The following ZNF423 variants were observed in gnomAD, a reference collection of about 807,000 sequenced individuals.
ZNF423 encodes the protein Ebf-associated zinc finger protein.
ZNF423 carries 12 observed loss-of-function variants against 95.8 expected under a neutral mutation model. That is an observed-to-expected ratio of 0.13 (90% CI 0.08 to 0.20). The LOEUF (loss-of-function observed/expected upper bound fraction) is 0.20. ZNF423 is among the 10% of genes least tolerant of loss of function. The probability of loss-of-function intolerance (pLI) is 1.00; values close to 1 mark genes in which losing one functional copy is unlikely to be tolerated. For synonymous variants in ZNF423, 749 were observed against 711.9 expected (o/e 1.05, Z -0.83); for missense variants, 1,316 against 1,737.1 (o/e 0.76, Z 4.31).
chr16:49,592,800 C>T (rs1971050977), intron 5 of ZNF423, among the ~76,000 whole-genome samples: 1 of 152,254 alleles, frequency 6.6e-6, no homozygotes. Flanking sequence ...CCTCGCCTCC[C>T]CTCCCCACAT....
At chr16:49,657,446 C>T (rs2029936745) in intron 3 of ZNF423, among the ~76,000 whole-genome samples, 1 of 152,314 alleles carries the variant, frequency 6.6e-6, no homozygotes, top group East Asian at 1.9e-4. Context: ...GGCCAGTGGC[C>T]CCCTGGGAAT....
At chr16:49,723,130 T>C (rs1389551164) in intron 3 of ZNF423, among the ~76,000 whole-genome samples, 1 of 152,018 alleles carries the variant, frequency 6.6e-6, no homozygotes, top group Non-Finnish European at 1.5e-5. Context: ...TAATTTTTTG[T>C]ATTTTCAGTA....
chr16:49,771,262 G>C (rs1461176518), intron 2 of ZNF423, among the ~76,000 whole-genome samples: 1 of 139,570 alleles, frequency 7.2e-6, no homozygotes, highest in Non-Finnish European at 1.5e-5. Context: ...GAGTGCAATG[G>C]TGTGATCTCA....
chr16:49,743,644 A>T (rs948393059), intron 2 of ZNF423, among the ~76,000 whole-genome samples: 3 of 151,728 alleles, frequency 2.0e-5, no homozygotes, highest in Non-Finnish European at 2.9e-5. Flanking sequence ...CTGCCCCGGG[A>T]CACAGGGGGC....
intron 5 of ZNF423, among the ~76,000 whole-genome samples, chr16:49,528,264 C>T (rs566143000): frequency 6.6e-6 from 1 of 152,212 alleles, no homozygotes; most frequent in South Asian, 2.1e-4. Flanking sequence ...TTCCGTTCTC[C>T]GAGTGCCGAG....
chr16:49,701,496 G>A lies in ZNF423; in HGVS notation c.301+29275C>T, dbSNP rs571523692. On this transcript the variant is annotated intron_variant, in intron 3 of 7. Coordinates refer to ENST00000563137, the MANE Select transcript of ZNF423 (RefSeq NM_001379286.1). ...AGGAGAGGGGAGGGGAGGGGAGCAA[G>A]TGGGCCAATATCTCAAACCGACCCC... Among the ~76,000 whole-genome samples the A allele has an allele frequency of 7.2e-5, 11 of 152,230 alleles. No individual in the cohort carries two copies. The East Asian group carries it at 1.9e-3, about 27-fold the overall frequency.
chr16:49,819,449 C>A (rs964450491), intron 1 of ZNF423, among the ~76,000 whole-genome samples: 1 of 151,618 alleles, frequency 6.6e-6, no homozygotes, highest in South Asian at 2.1e-4. Flanking sequence ...GGCTCATCCA[C>A]GAGTATCTTT....
At chr16:49,838,213 C>G (rs2035141438) in intron 1 of ZNF423, among the ~76,000 whole-genome samples, 1 of 152,216 alleles carries the variant, frequency 6.6e-6, no homozygotes, top group African/African-American at 2.4e-5. Context: ...AGGCCTCCAG[C>G]CCACCACGCA....
intron 1 of ZNF423, among the ~76,000 whole-genome samples, chr16:49,822,285 C>T (rs550127662): frequency 1.2e-4 from 18 of 151,904 alleles, no homozygotes; most frequent in African/African-American, 9.7e-5. Context: ...GTGATTCTCA[C>T]GCCTCAGCCT....
intron 3 of ZNF423, among the ~76,000 whole-genome samples, chr16:49,681,670 C>T (rs541302864): frequency 6.6e-6 from 1 of 152,228 alleles, no homozygotes. Context: ...GGCGTGCCCA[C>T]CCCCACAGCC....
intron 3 of ZNF423, among the ~76,000 whole-genome samples, chr16:49,654,996 TA>T: frequency 6.6e-6 from 1 of 152,250 alleles, no homozygotes; most frequent in East Asian, 1.9e-4. Context: ...TTAATTAATT[TA>T]ACCACAAAAG....
intron 1 of ZNF423, among the ~76,000 whole-genome samples, chr16:49,839,407 G>A (rs1468480123): frequency 6.6e-6 from 1 of 152,134 alleles, no homozygotes; most frequent in Non-Finnish European, 1.5e-5. Flanking sequence ...TCTGTCAGAT[G>A]GGGGTGGGAA....
At chr16:49,764,044 T>G (rs1344805532) in intron 2 of ZNF423, among the ~76,000 whole-genome samples, 7 of 152,204 alleles carry the variant, frequency 4.6e-5, no homozygotes, top group African/African-American at 1.7e-4. Context: ...GGGCTGTGTC[T>G]GTGAGTCACC....
chr16:49,542,631 G>C (rs951539017), intron 5 of ZNF423, among the ~76,000 whole-genome samples: 1 of 152,248 alleles, frequency 6.6e-6, no homozygotes, highest in African/African-American at 2.4e-5. Flanking sequence ...CCCCCATGAG[G>C]AGGCTGCCAC....
At chr16:49,783,632 G>A (rs1247400563) in intron 2 of ZNF423, among the ~76,000 whole-genome samples, 1 of 144,886 alleles carries the variant, frequency 6.9e-6, no homozygotes, top group Non-Finnish European at 1.5e-5. Flanking sequence ...GGGAGAGAGG[G>A]GGGGTTAGGG....
At chr16:49,590,449 A>G (rs1481270513) in intron 5 of ZNF423, among the ~76,000 whole-genome samples, 1 of 152,056 alleles carries the variant, frequency 6.6e-6, no homozygotes, top group Non-Finnish European at 1.5e-5. Context: ...TGGAAAAGAG[A>G]AAGCCACAGA....
At chr16:49,627,681 C>G (rs186726561) in intron 4 of ZNF423, among the ~76,000 whole-genome samples, 1 of 151,116 alleles carries the variant, frequency 6.6e-6, no homozygotes, top group African/African-American at 2.4e-5. Flanking sequence ...CCCATATACC[C>G]ATTCATCCAT....
At chr16:49,502,200 T>C (rs1412074906) in intron 7 of ZNF423, among the ~76,000 whole-genome samples, 2 of 151,912 alleles carry the variant, frequency 1.3e-5, no homozygotes, top group African/African-American at 4.8e-5. Flanking sequence ...CACCCTGAAG[T>C]GAGGTGGGGA....
rs58833331 is a variant in ZNF423 at position 49,709,183 on chromosome 16, T to TATATATATATATATATATATATAA, written c.301+21587_301+21588insTTATATATATATATATATATATAT. 7.9e-4 allele frequency among the ~76,000 whole-genome samples: 115 copies of TATATATATATATATATATATATAA among 145,338 alleles called. 2 individuals are homozygous for TATATATATATATATATATATATAA. Among genetic ancestry groups the TATATATATATATATATATATATAA allele is most frequent in the African/African-American group, 2.4e-3 (92 of 38,042 alleles). On this transcript the variant is annotated intron_variant, in intron 3 of 7. Transcript: ENST00000563137. ...CAGCAGCCGTTTATATATATATATA[T>TATATATATATATATATATATATAA]GAAAACGGAGCTTCGGAGCCCTGGG... is the stretch of plus-strand genomic sequence containing the variant.
Sources: gnomAD v4.1 joint callset for allele counts (sites outside exome capture counted in the v4.1 genomes callset) on GRCh38, gnomAD v4.1.1 for gene constraint, MANE v1.5 for transcripts, NCBI Gene and HGNC (gene_info 2026-07-23, HGNC 2026-07-21) for gene names.